The following RNF169 variants were observed in gnomAD, a reference collection of about 807,000 sequenced individuals.
RNF169 encodes the protein ring finger protein 169.
In RNF169, 24 loss-of-function variants were observed where a neutral mutation model predicts 53.9. That is an observed-to-expected ratio of 0.45 (90% CI 0.32 to 0.63). RNF169 has a LOEUF of 0.63. Ranked by LOEUF, RNF169 falls within the 20% of genes least tolerant of loss-of-function variation. RNF169 has a pLI of 0.04. For synonymous variants in RNF169, 396 were observed against 363.5 expected (o/e 1.09, Z -1.02); for missense variants, 883 against 906.2 (o/e 0.97, Z 0.33).
rs574161757 is a variant in RNF169, at chr11:74,769,871, T to A, written c.503-19755T>A. 2.6e-3 allele frequency among the ~76,000 whole-genome samples: 398 copies of A among 152,252 alleles called. 2 individuals are homozygous for A. Among genetic ancestry groups the A allele is most frequent in the African/African-American group, 9.1e-3 (380 of 41,564 alleles). On this transcript the variant is annotated intron_variant, in intron 1 of 5. Coordinates refer to ENST00000299563, the MANE Select transcript of RNF169 (RefSeq NM_001098638.2). ...AGTTCAGTGATGAAATCATGGCACA[T>A]TACAGCCTCTACTTTTCAGGCTGAA... is the stretch of plus-strand genomic sequence containing the variant.
chr11:74,790,795 A>G (rs1309909062), intron 2 of RNF169, among the ~76,000 whole-genome samples: 1 of 152,198 alleles, frequency 6.6e-6, no homozygotes, highest in African/African-American at 2.4e-5. Flanking sequence ...GGAACGTGGT[A>G]GTGACTGGAA....
At chr11:74,764,779 TACTAGGCAA>T (rs1480069056) in intron 1 of RNF169, among the ~76,000 whole-genome samples, 1 of 152,122 alleles carries the variant, frequency 6.6e-6, no homozygotes, top group Non-Finnish European at 1.5e-5. Context: ...AAAACTAAAA[TACTAGGCAA>T]AGATAAAATG....
intron 1 of RNF169, among the ~76,000 whole-genome samples, chr11:74,772,549 G>C (rs2035276452): frequency 7.0e-6 from 1 of 143,352 alleles, no homozygotes; most frequent in Admixed American, 7.3e-5. Flanking sequence ...TTTTTACCCT[G>C]TGAGTTGCAT....
chr11:74,819,941 T>C (rs1383198633), intron 4 of RNF169, among the ~76,000 whole-genome samples: 2 of 152,080 alleles, frequency 1.3e-5, no homozygotes, highest in African/African-American at 4.8e-5. Context: ...TGGATCAGAG[T>C]GTGGCACATC....
rs2036295894 is a variant in RNF169 at position 74,838,823 on chromosome 11, G to A, written c.*2093G>A. ...GACCTTACTATAAATGCCCTTAGAG[G>A]AAACTTATCAGTTACTGCCATTTCA... On this transcript the variant is annotated 3_prime_UTR_variant, in exon 6 of 6. Coordinates refer to ENST00000299563, the MANE Select transcript of RNF169 (RefSeq NM_001098638.2). 6.6e-6 allele frequency: 1 copy of A among 152,126 alleles called. No homozygotes were observed. Among genetic ancestry groups the A allele is most frequent in the Non-Finnish European group, 1.5e-5 (1 of 68,024 alleles). The allele number at this position is 152,126 out of a possible 1,614,324, so 9.4% of individuals were successfully genotyped here.
rs370235822 is a variant in RNF169, at chr11:74,777,851, C to A, written c.503-11775C>A. On this transcript the variant is annotated intron_variant, in intron 1 of 5. Coordinates refer to ENST00000299563, the MANE Select transcript of RNF169 (RefSeq NM_001098638.2). ...TTATGTTGTCTGGGCTGGTCTCAAA[C>A]GGCTAGTCTAAGAGATCCTCCTGCC... 2.6e-4 allele frequency among the ~76,000 whole-genome samples: 39 copies of A among 152,218 alleles called. No individual in the cohort carries two copies. The East Asian group carries it at 4.6e-3, about 18-fold the overall frequency.
At chr11:74,788,083 T>C (rs1466671370) in intron 1 of RNF169, among the ~76,000 whole-genome samples, 4 of 152,140 alleles carry the variant, frequency 2.6e-5, no homozygotes, top group Non-Finnish European at 4.4e-5. Context: ...GAAAAGGAAT[T>C]TATTGAAAAA....
In RNF169 at chr11:74,749,356, A is replaced by C. The variant is rs2034847471; in HGVS notation, c.476A>C (p.Glu159Ala). Residue 159 changes from glutamate (E) to alanine (A), a missense_variant, in exon 1 of 6, where the codon GAG (glutamate) becomes GCG (alanine). By Grantham distance (107) the Glu-to-Ala change is moderately radical. Transcript: ENST00000299563. ...GCCGCGGGGCCCAGGCCAGAGCAGG[A>C]GCCGCGTGCCGCGCCTGCGGAGCCA... ...AAAAGPRPEQEPRAAPAEPDF... is the reference protein window; with the variant it reads ...AAAAGPRPEQAPRAAPAEPDF... The C allele has an allele frequency of 1.6e-6, 2 of 1,231,822 alleles. No individual in the cohort carries two copies. Among genetic ancestry groups the C allele is most frequent in the South Asian group, 7.5e-5 (2 of 26,718 alleles). The allele number at this position is 1,231,822 out of a possible 1,614,324, so 76.3% of individuals were successfully genotyped here.
chr11:74,762,304 C>G (rs532432800), intron 1 of RNF169, among the ~76,000 whole-genome samples: 2 of 151,608 alleles, frequency 1.3e-5, no homozygotes, highest in East Asian at 3.9e-4. Context: ...TCTCTCAGCT[C>G]GTCAAAATCA....
intron 2 of RNF169, among the ~76,000 whole-genome samples, chr11:74,797,413 A>T (rs568966050): frequency 6.6e-6 from 1 of 152,302 alleles, no homozygotes; most frequent in African/African-American, 2.4e-5. Flanking sequence ...AGCTTTATTT[A>T]TCTAGAAAGT....
rs559354882 is a variant in RNF169 at position 74,749,184 on chromosome 11, G to A, written c.304G>A (p.Gly102Ser). 428 of 1,189,512 alleles carry A rather than the reference G, an allele frequency of 3.6e-4. 1 individual carries two copies. The African/African-American group carries it at 5.3e-3, about 15-fold the overall frequency. The allele number at this position is 1,189,512 out of a possible 1,614,324, so 73.7% of individuals were successfully genotyped here. A position where few individuals can be genotyped will look rare whatever the true frequency, so the allele number is the denominator to read the frequency against. The stretch of plus-strand genomic sequence containing the variant: ...ACGCGCCGCCGACGCGGCGGGCCCG[G>A]GTTGCCCTCGCTGCCGCGCCCGCGG... The part of the protein sequence containing the change: ...AQRAADAAGP[G>S]CPRCRARGPG... Residue 102 changes from glycine to serine, a missense_variant, in exon 1 of 6, where the codon GGT becomes AGT. Coordinates refer to ENST00000299563, the MANE Select transcript of RNF169 (RefSeq NM_001098638.2).
intron 1 of RNF169, among the ~76,000 whole-genome samples, chr11:74,756,441 G>A (rs892532697): frequency 6.6e-6 from 1 of 152,150 alleles, no homozygotes; most frequent in Non-Finnish European, 1.5e-5. Context: ...TGGAAAATGG[G>A]AATAGTAATA....
chr11:74,805,919 G>T (rs576176274), intron 2 of RNF169, among the ~76,000 whole-genome samples: 1 of 152,130 alleles, frequency 6.6e-6, no homozygotes, highest in Non-Finnish European at 1.5e-5. Flanking sequence ...ATGGATTTTG[G>T]TATATGCGGG....
intron 1 of RNF169, among the ~76,000 whole-genome samples, chr11:74,757,118 G>T (rs1332491363): frequency 1.6e-5 from 2 of 127,116 alleles, no homozygotes; most frequent in Non-Finnish European, 3.2e-5. Flanking sequence ...TCTAGCATTA[G>T]GTATATCTCC....
chr11:74,819,520 G>C (rs1468172077), intron 4 of RNF169, among the ~76,000 whole-genome samples: 1 of 152,186 alleles, frequency 6.6e-6, no homozygotes, highest in Non-Finnish European at 1.5e-5. Flanking sequence ...ACTTAGTACA[G>C]TGTCTGGCAC....
At chr11:74,804,717 AT>A (rs2035780416) in intron 2 of RNF169, among the ~76,000 whole-genome samples, 1 of 152,202 alleles carries the variant, frequency 6.6e-6, no homozygotes, top group African/African-American at 2.4e-5. Flanking sequence ...TAACTCTTTT[AT>A]ACCAGTTAGC....
At chr11:74,805,256 A>G (rs1407310444) in intron 2 of RNF169, among the ~76,000 whole-genome samples, 1 of 152,222 alleles carries the variant, frequency 6.6e-6, no homozygotes, top group Non-Finnish European at 1.5e-5. Flanking sequence ...TCTCAAAAGT[A>G]TCATGCAGAG....
intron 1 of RNF169, among the ~76,000 whole-genome samples, chr11:74,768,404 T>C (rs185283089): frequency 1.3e-5 from 2 of 151,912 alleles, no homozygotes; most frequent in South Asian, 2.1e-4. Context: ...GTCAGGAGTT[T>C]GCGACCAGCC....
intron 2 of RNF169, among the ~76,000 whole-genome samples, chr11:74,799,669 T>C (rs1257860881): frequency 6.6e-6 from 1 of 152,076 alleles, no homozygotes; most frequent in African/African-American, 2.4e-5. Flanking sequence ...GTTACAACTG[T>C]TGTCTCTAGT....
Sources: gnomAD v4.1 joint callset for allele counts (sites outside exome capture counted in the v4.1 genomes callset) on GRCh38, gnomAD v4.1.1 for gene constraint, MANE v1.5 for transcripts, NCBI Gene and HGNC (gene_info 2026-07-23, HGNC 2026-07-21) for gene names.